The following VSTM1 variants were observed in gnomAD, a reference collection of about 807,000 sequenced individuals.
VSTM1 encodes the protein V-set and transmembrane domain-containing protein 1.
VSTM1 carries 27 observed loss-of-function variants against 33.1 expected under a neutral mutation model. That is an observed-to-expected ratio of 0.82 (90% confidence interval 0.60 to 1.12). The LOEUF (loss-of-function observed/expected upper bound fraction) is 1.12. Among genes scored for constraint, VSTM1 ranks in the 50% most tolerant of loss-of-function variants. The pLI is 0.00. For synonymous variants in VSTM1, 115 were observed against 110.3 expected (o/e 1.04, Z -0.27); for missense variants, 304 against 288.9 (o/e 1.05, Z -0.38).
At position 54,058,390 on chromosome 19, in the gene VSTM1, C is replaced by G. The variant is rs780069475; in HGVS notation, c.271G>C (p.Ala91Pro). ...FPFTDLKPKD[A>P]GRYFCAYKTT... Reference sequence around the variant, plus strand: ...TTGTAGGCACAAAAGTACCTCCCAGCATCCTTAGGCTTCAGGTCCGTGAAG... The same window carrying G: ...TTGTAGGCACAAAAGTACCTCCCAGGATCCTTAGGCTTCAGGTCCGTGAAG... The change falls in exon 3 of 9, where the codon GCT becomes CCT. Residue 91 changes from alanine (A) to proline (P), a missense_variant. Ala to Pro is a conservative substitution (Grantham distance 27). Transcript: ENST00000338372. 2 of 1,614,180 alleles carry G rather than the reference C, an allele frequency of 1.2e-6. No homozygotes were observed. The highest frequency in any genetic ancestry group is 1.7e-6 in the Non-Finnish European group (2 of 1,180,034).
rs2071223095 is a variant in VSTM1 at position 54,058,516 on chromosome 19, A to C, written c.145T>G (p.Cys49Gly). The C allele has an allele frequency of 1.2e-6, 2 of 1,613,906 alleles. No homozygotes were observed. Among genetic ancestry groups the C allele is most frequent in the Admixed American group, 1.7e-5 (1 of 59,960 alleles). ...VEAESNVTLK[C>G]QAHSQNVTFV... ...GTCACATTCTGGGAATGAGCCTGAC[A>C]CTTCAGGGTCACATTGCTCTCGGCT... is the stretch of plus-strand genomic sequence containing the variant. Residue 49 changes from cysteine to glycine, a missense_variant, in exon 3 of 9, where the codon TGT becomes GGT. Coordinates refer to ENST00000338372, the MANE Select transcript of VSTM1 (RefSeq NM_198481.4).
chr19:54,061,843 G>T (rs931918523), intron 1 of VSTM1, among the ~76,000 whole-genome samples: 1 of 151,638 alleles, frequency 6.6e-6, no homozygotes, highest in Non-Finnish European at 1.5e-5. Flanking sequence ...CAGAGCCAAC[G>T]ATTGGAGTGA....
At position 54,042,360 on chromosome 19, in the gene VSTM1, G is replaced by A. The variant is rs2070331831; in HGVS notation, c.404C>T (p.Thr135Ile). 6.2e-7 allele frequency: 1 copy of A among 1,613,626 alleles called. No individual in the cohort carries two copies. The change falls in exon 5 of 9, where the codon ACC becomes ATC. Residue 135 changes from threonine to isoleucine, a missense_variant. Thr to Ile is a moderately conservative substitution (Grantham distance 89, BLOSUM62 -1). Coordinates refer to ENST00000338372, the MANE Select transcript of VSTM1 (RefSeq NM_198481.4). Reference protein sequence around the residue: ...EAPSMKTDTRTIFVAIFSCIS... With the variant: ...EAPSMKTDTRIIFVAIFSCIS... ...GCAGCTGAAGATGGCGACAAAGATG[G>A]TTCTGGTGTCTGGAGGGGGAAGAGC...
At chr19:54,053,088 C>T (rs1229736890) in intron 3 of VSTM1, 1 of 146,400 alleles carries the variant, frequency 6.8e-6, no homozygotes, top group African/African-American at 2.6e-5. Flanking sequence ...TCTTTCAAAG[C>T]AGACTCTAGG....
chr19:54,057,388 G>GGCC lies in VSTM1; in HGVS notation c.355+917_355+918insGGC, dbSNP rs2071152489. Among the ~76,000 whole-genome samples, 2 of 96,554 alleles carry GGCC rather than the reference G, an allele frequency of 2.1e-5. 1 individual carries two copies. The highest frequency in any genetic ancestry group is 4.7e-5 in the Non-Finnish European group (2 of 42,934). 63.3% of individuals were successfully genotyped at this position (96,554 alleles called of 152,430 possible). A position where few individuals can be genotyped will look rare whatever the true frequency, so the allele number is the denominator to read the frequency against. ...AAATTAGCCAGGCATGGTGGTGCTT[G>GGCC]CCTGTACTCCCAGCTACTTGGGAGG... On this transcript the variant is annotated intron_variant, in intron 3 of 8. Transcript: ENST00000338372.
intron 3 of VSTM1, among the ~76,000 whole-genome samples, chr19:54,056,214 CTTTTTTT>C (rs869203085): frequency 1.8e-4 from 7 of 39,174 alleles, no homozygotes; most frequent in East Asian, 1.2e-3. Context: ...CTTTTCTTTT[CTTTTTTT>C]TTTTTTTTTT....
At chr19:54,047,521 A>G (rs1371029508) in intron 4 of VSTM1, among the ~76,000 whole-genome samples, 2 of 152,094 alleles carry the variant, frequency 1.3e-5, no homozygotes, top group Non-Finnish European at 2.9e-5. Context: ...CTCAAACTCC[A>G]GAGCTCAAGT....
At position 54,059,858 on chromosome 19, in the gene VSTM1, T is replaced by A. The variant is rs559276235; in HGVS notation, c.35-1126A>T. On this transcript the variant is annotated intron_variant, in intron 1 of 8. Transcript: ENST00000338372. ...GAGTGGTGGGTTTTTTTTTTTTTTT[T>A]ATTTTTCGAGATGGAGTCTCGCTCT... 8.4e-5 allele frequency among the ~76,000 whole-genome samples: 12 copies of A among 142,852 alleles called. No homozygotes were observed. In the East Asian group the frequency reaches 8.5e-4, roughly 10 times the overall value. 93.7% of individuals were successfully genotyped at this position (142,852 alleles called of 152,430 possible).
intron 4 of VSTM1, among the ~76,000 whole-genome samples, chr19:54,044,497 T>C (rs2070474064): frequency 6.6e-6 from 1 of 152,020 alleles, no homozygotes; most frequent in Admixed American, 6.6e-5. Flanking sequence ...GAGGCGGAGG[T>C]TGCAGTGAGC....
At chr19:54,046,279 G>T (rs1427775124) in intron 4 of VSTM1, among the ~76,000 whole-genome samples, 2 of 152,186 alleles carry the variant, frequency 1.3e-5, no homozygotes, top group Non-Finnish European at 2.9e-5. Flanking sequence ...AGCAAAAGGA[G>T]TGGGGAGTTT....
intron 1 of VSTM1, among the ~76,000 whole-genome samples, chr19:54,061,075 C>T (rs34850971): frequency 0.02 from 2,945 of 144,350 alleles, 103 homozygotes; most frequent in African/African-American, 0.07. Flanking sequence ...TGGAGGGCAG[C>T]GGTGCTATCT....
intron 1 of VSTM1, among the ~76,000 whole-genome samples, chr19:54,059,324 G>T (rs2071272636): frequency 6.6e-6 from 1 of 152,060 alleles, no homozygotes; most frequent in Non-Finnish European, 1.5e-5. Flanking sequence ...GCCTCCCAAA[G>T]TGCTGGGATT....
intron 3 of VSTM1, among the ~76,000 whole-genome samples, 182 bp downstream of exon 3, chr19:54,058,124 C>T (rs1336141489): frequency 4.6e-5 from 7 of 151,264 alleles, no homozygotes; most frequent in Non-Finnish European, 8.8e-5. Context: ...CCTGTAGTCC[C>T]AGCTACTCGG....
chr19:54,062,849 G>C (rs901437558), intron 1 of VSTM1, among the ~76,000 whole-genome samples: 1 of 152,110 alleles, frequency 6.6e-6, no homozygotes, highest in Non-Finnish European at 1.5e-5. Context: ...GATGTCCACC[G>C]CACCCCCCGT....
chr19:54,042,814 A>ATATATATATG (rs1555752370), intron 4 of VSTM1, among the ~76,000 whole-genome samples: 14 of 43,478 alleles, frequency 3.2e-4, no homozygotes, highest in Middle Eastern at 0.011. Flanking sequence ...GTGTATATAT[A>ATATATATATG]TATATATATA....
intron 4 of VSTM1, among the ~76,000 whole-genome samples, chr19:54,043,661 C>A (rs1393007921): frequency 2.6e-5 from 4 of 152,198 alleles, no homozygotes; most frequent in African/African-American, 9.6e-5. Context: ...ATCTGCCTGC[C>A]TCGGCCTCCC....
chr19:54,063,627 G>T, intron 1 of VSTM1, 117 bp downstream of exon 1: 1 of 1,308,044 alleles, frequency 7.6e-7, no homozygotes, highest in Non-Finnish European at 1.1e-6. Flanking sequence ...ACCCACCGCA[G>T]GTGTGCAACA....
intron 3 of VSTM1, among the ~76,000 whole-genome samples, chr19:54,052,303 C>T (rs62147264): frequency 0.066 from 7,681 of 116,834 alleles, 492 homozygotes; most frequent in Non-Finnish European, 0.074. Context: ...GAGGCTGAGG[C>T]AGGAGAATGG....
chr19:54,043,141 G>A (rs1335285354), intron 4 of VSTM1, among the ~76,000 whole-genome samples: 5 of 151,932 alleles, frequency 3.3e-5, no homozygotes, highest in South Asian at 4.2e-4. Flanking sequence ...TGGACATTTC[G>A]ACCAATAGAC....
Sources: gnomAD v4.1 joint callset for allele counts (sites outside exome capture counted in the v4.1 genomes callset) on GRCh38, gnomAD v4.1.1 for gene constraint, MANE v1.5 for transcripts, NCBI Gene and HGNC (gene_info 2026-07-23, HGNC 2026-07-21) for gene names.